Variants in XYLT1 observed in about 807,000 individuals in gnomAD.
XYLT1 encodes the protein xylosyltransferase 1.
In XYLT1, 36 loss-of-function variants were observed where a neutral mutation model predicts 91.3. The observed-to-expected ratio is 0.39, with a 90% CI of 0.30 to 0.52. The LOEUF is 0.52. Among genes scored for constraint, XYLT1 ranks in the 20% least tolerant of loss-of-function variants. XYLT1 has a pLI of 0.68. For synonymous variants in XYLT1, 588 were observed against 532.0 expected (o/e 1.11, Z -1.45); for missense variants, 1,242 against 1,284.5 (o/e 0.97, Z 0.51).
intron 3 of XYLT1, among the ~76,000 whole-genome samples, chr16:17,239,871 C>T (rs573259118): frequency 1.3e-4 from 20 of 152,232 alleles, no homozygotes; most frequent in African/African-American, 4.8e-4. Flanking sequence ...TGACTCATCC[C>T]ATCCATGTTT....
Position 17,108,691 on chromosome 16 carries a change from A to G in XYLT1, c.*4T>C. ...CTGCTGTGGCCCACTCCTCGTGCCC[A>G]GTGCTACCTGAGCCGGCCATCAGGT... On this transcript the variant is annotated 3_prime_UTR_variant, in exon 12 of 12. Coordinates refer to ENST00000261381, the MANE Select transcript of XYLT1 (RefSeq NM_022166.4). 1 of 1,560,744 alleles carries G rather than the reference A, an allele frequency of 6.4e-7. No homozygotes were observed. Among genetic ancestry groups the G allele is most frequent in the East Asian group, 2.3e-5 (1 of 44,090 alleles).
intron 2 of XYLT1, among the ~76,000 whole-genome samples, chr16:17,260,030 CA>C (rs1285767572): frequency 2.1e-5 from 3 of 143,044 alleles, no homozygotes; most frequent in Non-Finnish European, 3.0e-5. Context: ...AAACCAGCCG[CA>C]ATTTTTTTTT....
At chr16:17,321,489 C>T (rs540653373) in intron 2 of XYLT1, among the ~76,000 whole-genome samples, 1 of 151,092 alleles carries the variant, frequency 6.6e-6, no homozygotes, top group Non-Finnish European at 1.5e-5. Flanking sequence ...TCTCAAGTAG[C>T]TGGGATTACA....
intron 1 of XYLT1, among the ~76,000 whole-genome samples, chr16:17,469,493 G>T (rs2036948426): frequency 6.6e-6 from 1 of 152,246 alleles, no homozygotes; most frequent in Admixed American, 6.5e-5. Context: ...GCTGGGCAAG[G>T]CAGCCCAGAG....
intron 10 of XYLT1, among the ~76,000 whole-genome samples, chr16:17,118,285 C>CGAAT (rs10524608): frequency 0.024 from 3,627 of 151,426 alleles, 145 homozygotes; most frequent in African/African-American, 0.082. Flanking sequence ...AATGAATGAA[C>CGAAT]GAATGAATGA....
At chr16:17,228,671 C>G (rs2033110122) in intron 3 of XYLT1, among the ~76,000 whole-genome samples, 1 of 152,182 alleles carries the variant, frequency 6.6e-6, no homozygotes, top group Non-Finnish European at 1.5e-5. Flanking sequence ...GAGGCAGCTT[C>G]ATCTCCCCTT....
chr16:17,327,477 C>A (rs1371488634), intron 2 of XYLT1, among the ~76,000 whole-genome samples: 2 of 150,242 alleles, frequency 1.3e-5, no homozygotes, highest in Non-Finnish European at 3.0e-5. Flanking sequence ...ATTCTCTTGC[C>A]TCAGCCTCTG....
Position 17,209,482 on chromosome 16 carries a change from G to C in XYLT1, c.914-8828C>G, listed in dbSNP as rs191713613. On this transcript the variant is annotated intron_variant, in intron 3 of 11. Transcript: ENST00000261381. Reference sequence around the variant, plus strand: ...AACATGGGTGTACAAGTACCTGTTTGAGTCACTGTTTCAATTCTTTGGAGT... The same window carrying C: ...AACATGGGTGTACAAGTACCTGTTTCAGTCACTGTTTCAATTCTTTGGAGT... 7.9e-5 allele frequency among the ~76,000 whole-genome samples: 12 copies of C among 152,300 alleles called. No homozygotes were observed. In the East Asian group the frequency reaches 2.3e-3, roughly 29 times the overall value.
At chr16:17,441,102 G>T (rs2036526515) in intron 1 of XYLT1, among the ~76,000 whole-genome samples, 1 of 151,332 alleles carries the variant, frequency 6.6e-6, no homozygotes, top group Non-Finnish European at 1.5e-5. Flanking sequence ...TTCTTGCTTT[G>T]TCACCCAGGC....
intron 7 of XYLT1, among the ~76,000 whole-genome samples, chr16:17,140,356 G>C (rs1053492867): frequency 6.6e-6 from 1 of 152,078 alleles, no homozygotes; most frequent in Non-Finnish European, 1.5e-5. Context: ...CATTGTGAAG[G>C]ATGCGTCAAA....
In XYLT1 at chr16:17,138,608, C is replaced by A. The variant is rs1458639077; in HGVS notation, c.1588-77G>T. 4.6e-6 allele frequency: 7 copies of A among 1,536,638 alleles called. No homozygotes were observed. The East Asian group carries it at 6.8e-5, about 15-fold the overall frequency. On this transcript the variant is annotated intron_variant, in intron 7 of 11. Transcript: ENST00000261381. Reference sequence around the variant, plus strand: ...TGAACTGGGGTGGGAAATGGTGAACCCTTGCTCTGAGTTCATGTAAGAACT... The same window carrying A: ...TGAACTGGGGTGGGAAATGGTGAACACTTGCTCTGAGTTCATGTAAGAACT...
chr16:17,320,790 A>C (rs2034707041), intron 2 of XYLT1, among the ~76,000 whole-genome samples: 1 of 122,250 alleles, frequency 8.2e-6, no homozygotes, highest in Non-Finnish European at 1.8e-5. Flanking sequence ...GACCTTGGAA[A>C]AGTTTCTTAA....
chr16:17,342,647 G>A (rs1038530636), intron 2 of XYLT1, among the ~76,000 whole-genome samples: 3 of 152,032 alleles, frequency 2.0e-5, no homozygotes, highest in African/African-American at 2.4e-5. Flanking sequence ...GCTGGAACCC[G>A]GGAGACGGAG....
At chr16:17,462,183 A>C (rs893193472) in intron 1 of XYLT1, among the ~76,000 whole-genome samples, 1 of 152,222 alleles carries the variant, frequency 6.6e-6, no homozygotes, top group African/African-American at 2.4e-5. Context: ...CCTGGATTAG[A>C]TGTCCAGATA....
intron 4 of XYLT1, among the ~76,000 whole-genome samples, chr16:17,200,239 C>T (rs2032513029): frequency 6.6e-6 from 1 of 151,816 alleles, no homozygotes. Context: ...AAAAAAAACC[C>T]CCCAAAAACA....
intron 2 of XYLT1, among the ~76,000 whole-genome samples, chr16:17,333,114 A>C (rs892841200): frequency 1.3e-5 from 2 of 151,798 alleles, no homozygotes; most frequent in Non-Finnish European, 2.9e-5. Context: ...TGGAAAAAAA[A>C]CTGTGTTCCG....
chr16:17,325,354 T>C (rs1596482818), intron 2 of XYLT1, among the ~76,000 whole-genome samples: 2 of 152,242 alleles, frequency 1.3e-5, no homozygotes, highest in Admixed American at 1.3e-4. Flanking sequence ...TGAGCCAAGA[T>C]GGTGCCACTG....
intron 2 of XYLT1, among the ~76,000 whole-genome samples, chr16:17,345,835 G>C (rs1292912388): frequency 1.3e-5 from 2 of 152,114 alleles, no homozygotes; most frequent in Non-Finnish European, 2.9e-5. Flanking sequence ...TTTTGAGAGA[G>C]AGTCTCGCTC....
At chr16:17,359,481 G>A (rs959314471) in intron 1 of XYLT1, among the ~76,000 whole-genome samples, 6 of 152,118 alleles carry the variant, frequency 3.9e-5, no homozygotes, top group East Asian at 3.9e-4. Context: ...TCAGAAATAC[G>A]GTGAGCTCTG....
Sources: allele counts gnomAD v4.1 joint callset (sites outside exome capture counted in the v4.1 genomes callset), GRCh38; gene constraint gnomAD v4.1.1; transcripts MANE v1.5; gene names NCBI Gene and HGNC (gene_info 2026-07-23, HGNC 2026-07-21).